Variants in MAP2K6 observed in about 807,000 individuals in gnomAD.
MAP2K6 encodes the protein mitogen-activated protein kinase kinase 6.
In MAP2K6, 16 loss-of-function variants were observed where a neutral mutation model predicts 53.7. That is an observed-to-expected ratio of 0.30 (90% CI 0.20 to 0.45). MAP2K6 has a LOEUF of 0.45. MAP2K6 is among the 20% of genes least tolerant of loss of function. The pLI is 1.00. For missense variants in MAP2K6, 204 were observed against 411.9 expected (o/e 0.50, Z 4.37); for synonymous variants, 132 against 143.1 (o/e 0.92, Z 0.55).
At chr17:69,452,518 G>T (rs1261416006) in intron 1 of MAP2K6, among the ~76,000 whole-genome samples, 1 of 152,084 alleles carries the variant, frequency 6.6e-6, no homozygotes, top group Non-Finnish European at 1.5e-5. Context: ...AGCCCTACCT[G>T]CCTCATAGGA....
intron 1 of MAP2K6, among the ~76,000 whole-genome samples, chr17:69,480,641 A>G (rs2145191229): frequency 6.6e-6 from 1 of 152,298 alleles, no homozygotes; most frequent in Non-Finnish European, 1.5e-5. Context: ...AGGAATATAG[A>G]GATTGGGAAG....
At chr17:69,419,836 C>G (rs1276359414) in intron 1 of MAP2K6, among the ~76,000 whole-genome samples, 1 of 151,392 alleles carries the variant, frequency 6.6e-6, no homozygotes, top group Non-Finnish European at 1.5e-5. Flanking sequence ...ATCGCTTGAA[C>G]CTGGGAGGTG....
intron 10 of MAP2K6, among the ~76,000 whole-genome samples, chr17:69,534,833 A>T (rs1249958081): frequency 6.6e-6 from 1 of 152,042 alleles, no homozygotes; most frequent in Non-Finnish European, 1.5e-5. Context: ...CTTTCCATTC[A>T]TGTATGATTT....
Position 69,524,919 on chromosome 17 carries a change from G to T in MAP2K6, c.682G>T (p.Glu228Ter). Residue 228 changes from glutamate (E) to a stop codon, truncating the protein, a stop_gained, in exon 9 of 12, where the codon GAG (glutamate) becomes TAG (stop). Coordinates refer to ENST00000590474, the MANE Select transcript of MAP2K6 (RefSeq NM_002758.4). LOFTEE classifies it high-confidence loss of function. The part of the protein sequence containing the change: ...PYMAPERINP[E>*]LNQKGYSVKS... The stretch of plus-strand genomic sequence containing the variant: ...TTTCCAGCCTGAAAGAATAAACCCA[G>T]AGCTCAACCAGAAGGGATACAGTGT... 6.2e-7 allele frequency: 1 copy of T among 1,613,074 alleles called. No homozygotes were observed. The highest frequency in any genetic ancestry group is 1.1e-5 in the South Asian group (1 of 91,036).
intron 1 of MAP2K6, among the ~76,000 whole-genome samples, chr17:69,422,124 A>AT (rs35694490): frequency 0.37 from 32,786 of 87,618 alleles, 7,379 homozygotes; most frequent in Non-Finnish European, 0.46. Context: ...AATCATCGTA[A>AT]TTTTTTTTTT....
intron 2 of MAP2K6, 80 bp from the exon 3 acceptor site, chr17:69,516,775 T>C: frequency 4.2e-6 from 4 of 955,862 alleles, no homozygotes; most frequent in South Asian, 3.2e-5. Context: ...GGAAAAAATA[T>C]CCTCAGTGGT....
intron 1 of MAP2K6, among the ~76,000 whole-genome samples, chr17:69,475,180 T>G (rs1257353897): frequency 1.3e-5 from 2 of 148,338 alleles, no homozygotes; most frequent in Admixed American, 1.3e-4. Flanking sequence ...TTTTTTTTTT[T>G]TTTTTTGAGA....
At position 69,465,419 on chromosome 17, in the gene MAP2K6, T is replaced by G. The variant is rs919268828; in HGVS notation, c.17-40361T>G. Among the ~76,000 whole-genome samples, 8 of 152,162 alleles carry G rather than the reference T, an allele frequency of 5.3e-5. No individual in the cohort carries two copies. In the South Asian group the frequency reaches 1.2e-3, roughly 24 times the overall value. ...TAACTTCAGCAAAGGTAAACATTTC[T>G]TCCTTTTGCTTTAAGATTCCCAGTG... On this transcript the variant is annotated intron_variant, in intron 1 of 11. Transcript: ENST00000590474.
At chr17:69,465,650 G>C (rs114898125) in intron 1 of MAP2K6, among the ~76,000 whole-genome samples, 42 of 147,284 alleles carry the variant, frequency 2.9e-4, no homozygotes, top group Middle Eastern at 3.6e-3. Context: ...ACAAAGTTTC[G>C]CTCTTGTTGT....
chr17:69,539,940 C>T (rs1911533228), intron 11 of MAP2K6, among the ~76,000 whole-genome samples: 1 of 152,130 alleles, frequency 6.6e-6, no homozygotes, highest in South Asian at 2.1e-4. Context: ...GAGGAAGGAC[C>T]TGGCACTCAG....
At chr17:69,521,756 T>C (rs956704874) in intron 7 of MAP2K6, 8 of 144,836 alleles carry the variant, frequency 5.5e-5, no homozygotes, top group African/African-American at 7.8e-5. Context: ...GAAAATATAT[T>C]CTGATTAAAT....
intron 11 of MAP2K6, among the ~76,000 whole-genome samples, chr17:69,539,505 C>T (rs1911511884): frequency 2.0e-5 from 3 of 152,206 alleles, no homozygotes; most frequent in Non-Finnish European, 2.9e-5. Context: ...AGGCAAGTCA[C>T]ACTTTCCATT....
At chr17:69,419,640 A>AT (rs533830602) in intron 1 of MAP2K6, among the ~76,000 whole-genome samples, 42 of 152,234 alleles carry the variant, frequency 2.8e-4, no homozygotes, top group Non-Finnish European at 5.4e-4. Context: ...TAAAATTTTA[A>AT]TTTGGGTGGC....
chr17:69,544,435 ACTAT>A lies in MAP2K6; in HGVS notation c.*2683_*2686del, dbSNP rs1911795416. On this transcript the variant is annotated 3_prime_UTR_variant, in exon 12 of 12. Coordinates refer to ENST00000590474, the MANE Select transcript of MAP2K6 (RefSeq NM_002758.4). ...CTTTTGAAAAAATCAAGATACCTAA[ACTAT>A]ATATAAATGGGGAGTATTCTGTACA... 1 of 152,212 alleles carries A rather than the reference ACTAT, an allele frequency of 6.6e-6. No homozygotes were observed. Among genetic ancestry groups the A allele is most frequent in the South Asian group, 2.1e-4 (1 of 4,832 alleles). 9.4% of individuals were successfully genotyped at this position (152,212 alleles called of 1,614,324 possible). A position where few individuals can be genotyped will look rare whatever the true frequency, so the allele number is the denominator to read the frequency against.
chr17:69,528,884 A>G (rs57157009), intron 10 of MAP2K6, among the ~76,000 whole-genome samples: 3 of 128,920 alleles, frequency 2.3e-5, no homozygotes, highest in Non-Finnish European at 3.4e-5. Flanking sequence ...AAAAAAAAAA[A>G]AAAAGATGAG....
rs1912127439 is a variant in MAP2K6, at chr17:69,552,204, C to T, written c.*10451C>T. On this transcript the variant is annotated 3_prime_UTR_variant, in exon 12 of 12. Transcript: ENST00000590474. ...GAGCCTTTGGGCAAGTGGAAAATGC[C>T]CTGATGCTAGAATGAGGTAGTTCCA... 1 of 152,170 alleles carries T rather than the reference C, an allele frequency of 6.6e-6. No homozygotes were observed. Among genetic ancestry groups the T allele is most frequent in the Admixed American group, 6.6e-5 (1 of 15,266 alleles). 9.4% of individuals were successfully genotyped at this position (152,170 alleles called of 1,614,324 possible).
intron 1 of MAP2K6, among the ~76,000 whole-genome samples, chr17:69,436,330 A>G (rs1170976929): frequency 1.3e-5 from 2 of 152,190 alleles, no homozygotes; most frequent in Admixed American, 6.5e-5. Flanking sequence ...AAAAAATACT[A>G]TAATTATTTT....
chr17:69,491,246 C>A (rs113873285), intron 1 of MAP2K6, among the ~76,000 whole-genome samples: 6,544 of 152,128 alleles, frequency 0.043, 410 homozygotes, highest in East Asian at 0.15. Flanking sequence ...AGGGTTCAAG[C>A]AATTCTCCTG....
intron 1 of MAP2K6, among the ~76,000 whole-genome samples, chr17:69,460,192 A>G (rs959622238): frequency 1.3e-5 from 2 of 152,186 alleles, no homozygotes; most frequent in Non-Finnish European, 1.5e-5. Flanking sequence ...CCTGTCATCA[A>G]ATAAACATAA....
Sources: allele counts gnomAD v4.1 joint callset (sites outside exome capture counted in the v4.1 genomes callset), GRCh38; gene constraint gnomAD v4.1.1; transcripts MANE v1.5; gene names NCBI Gene and HGNC (gene_info 2026-07-23, HGNC 2026-07-21).